The following PCDH11X variants were observed in gnomAD, a reference collection of about 807,000 sequenced individuals.
PCDH11X encodes protocadherin-11 X-linked.
In PCDH11X, 18 loss-of-function variants were observed where a neutral mutation model predicts 53.3. The ratio of observed to expected loss-of-function variants is 0.34; its 90% CI spans 0.23 to 0.50. The LOEUF (loss-of-function observed/expected upper bound fraction) is 0.50, where lower values mean the gene tolerates loss of function less well. Among genes scored for constraint, PCDH11X ranks in the 20% least tolerant of loss-of-function variants. The pLI is 0.98. For missense variants in PCDH11X, 570 were observed against 1,032.4 expected, an observed-to-expected ratio of 0.55 and a Z score of 6.14; for synonymous variants, 279 against 393.3, an observed-to-expected ratio of 0.71 and a Z score of 3.44.
intron 10 of PCDH11X, among the ~76,000 whole-genome samples, chrX:92,585,149 T>G (rs1358883995): frequency 9.2e-6 from 1 of 109,038 alleles, no homozygotes; most frequent in East Asian, 2.9e-4. Flanking sequence ...CTACACACTT[T>G]TAAACAAGCA....
At chrX:91,886,137 C>T (rs1379111203) in intron 6 of PCDH11X, among the ~76,000 whole-genome samples, 1 of 111,783 alleles carries the variant, frequency 8.9e-6, no homozygotes, top group South Asian at 3.7e-4. Context: ...TTGACCTGGT[C>T]GCATCTTTAA....
intron 10 of PCDH11X, among the ~76,000 whole-genome samples, chrX:92,508,434 G>T (rs2074105805): frequency 9.2e-6 from 1 of 108,756 alleles, no homozygotes; most frequent in Admixed American, 9.9e-5. Flanking sequence ...TGTTGGCCAG[G>T]ATGGTCTCGA....
Position 92,300,984 on chromosome X carries a change from T to C in PCDH11X, c.3144+37841T>C, listed in dbSNP as rs569442619. On this transcript the variant is annotated intron_variant, in intron 8 of 10. Coordinates refer to ENST00000682573, the MANE Select transcript of PCDH11X (RefSeq NM_032968.5). ...GGCACAGTAGGGTGTATGTGCACCC[T>C]TGTGCCAGCAAGTGAAGGAAAGGCA... Among the ~76,000 whole-genome samples, 5 of 111,449 alleles carry C rather than the reference T, an allele frequency of 4.5e-5. No individual in the cohort carries two copies. The South Asian group carries it at 1.5e-3, about 34-fold the overall frequency.
chrX:92,132,476 T>A (rs2064997688), intron 6 of PCDH11X, among the ~76,000 whole-genome samples: 1 of 101,575 alleles, frequency 9.8e-6, no homozygotes, highest in Non-Finnish European at 2.0e-5. Context: ...GGCGTGGTAG[T>A]GTGTGCCCGT....
At chrX:92,352,811 T>A (rs147487331) in intron 8 of PCDH11X, among the ~76,000 whole-genome samples, 1,130 of 111,579 alleles carry the variant, frequency 0.01, 20 homozygotes, top group African/African-American at 0.036. Flanking sequence ...AGTCCTGTGA[T>A]GTGTACCATC....
intron 9 of PCDH11X, among the ~76,000 whole-genome samples, chrX:92,430,033 T>C (rs2072215942): frequency 1.8e-5 from 2 of 108,458 alleles, no homozygotes; most frequent in Admixed American, 2.0e-4. Context: ...AGGGTTAAAA[T>C]TAATAAACTT....
chrX:92,478,560 A>G (rs1244304656), intron 10 of PCDH11X, among the ~76,000 whole-genome samples: 1 of 111,118 alleles, frequency 9.0e-6, no homozygotes, highest in East Asian at 2.8e-4. Flanking sequence ...AGATTCTGCT[A>G]TATTGTATCT....
intron 9 of PCDH11X, among the ~76,000 whole-genome samples, chrX:92,418,966 T>C (rs2071882408): frequency 9.2e-6 from 1 of 109,056 alleles, no homozygotes; most frequent in Non-Finnish European, 1.9e-5. Flanking sequence ...CAACTGTGAT[T>C]TCCTTTTGGC....
Position 92,126,600 on chromosome X carries a change from ACT to A in PCDH11X, c.3034-74772_3034-74771del, listed in dbSNP as rs2064866683. Reference sequence around the variant, plus strand: ...CTCCAGTCTGGGCAACAAGAGCAAAACTCTGTCTCAAAAAATAAAAAATAAAA... The same window carrying A: ...CTCCAGTCTGGGCAACAAGAGCAAAACTGTCTCAAAAAATAAAAAATAAAA... On this transcript the variant is annotated intron_variant, in intron 6 of 10. Transcript: ENST00000682573. Among the ~76,000 whole-genome samples, 6 of 109,350 alleles carry A rather than the reference ACT, an allele frequency of 5.5e-5. No homozygotes were observed. The Admixed American group carries it at 5.9e-4, about 11-fold the overall frequency. The allele number at this position is 109,350 out of a possible 115,157, so 95.0% of individuals were successfully genotyped here. A position where few individuals can be genotyped will look rare whatever the true frequency, so the allele number is the denominator to read the frequency against.
At chrX:92,080,375 G>A (rs755988939) in intron 6 of PCDH11X, among the ~76,000 whole-genome samples, 4 of 111,089 alleles carry the variant, frequency 3.6e-5, no homozygotes, top group African/African-American at 1.3e-4. Flanking sequence ...ATCATAAGTT[G>A]ATAATTGTTG....
At chrX:92,545,090 T>C (rs1179581106) in intron 10 of PCDH11X, among the ~76,000 whole-genome samples, 1 of 111,331 alleles carries the variant, frequency 9.0e-6, no homozygotes, top group Non-Finnish European at 1.9e-5. Flanking sequence ...TGCTTCCATG[T>C]GGAGGCCTGG....
chrX:91,811,169 C>T (rs1156853121), intron 3 of PCDH11X, 68 bp from the exon 4 acceptor site: 1 of 1,015,135 alleles, frequency 9.9e-7, no homozygotes, highest in Non-Finnish European at 1.3e-6. Context: ...TAAGTTTAAA[C>T]TGATTACAAT....
intron 6 of PCDH11X, among the ~76,000 whole-genome samples, chrX:92,042,104 A>G (rs1374089869): frequency 8.9e-6 from 1 of 111,959 alleles, no homozygotes; most frequent in African/African-American, 3.2e-5. Flanking sequence ...ACTTTTAATT[A>G]CAGTATTATG....
chrX:91,990,697 C>A (rs1450386548), intron 6 of PCDH11X, among the ~76,000 whole-genome samples: 1 of 106,329 alleles, frequency 9.4e-6, no homozygotes, highest in Non-Finnish European at 1.9e-5. Flanking sequence ...TCTGTTAACA[C>A]ACAGGAGGTG....
chrX:92,247,101 C>T (rs766049749), intron 7 of PCDH11X, among the ~76,000 whole-genome samples: 17 of 111,716 alleles, frequency 1.5e-4, no homozygotes, highest in Non-Finnish European at 3.0e-4. Context: ...AACTATGAGT[C>T]GATTAAACTC....
chrX:92,513,802 A>G (rs182995616), intron 10 of PCDH11X, among the ~76,000 whole-genome samples: 1 of 111,721 alleles, frequency 9.0e-6, no homozygotes, highest in Admixed American at 9.5e-5. Flanking sequence ...TAAATGTACA[A>G]TTCAATGATT....
chrX:92,139,250 TTTTCTTTCTTTC>T (rs1308353324), intron 6 of PCDH11X, among the ~76,000 whole-genome samples: 1 of 105,242 alleles, frequency 9.5e-6, no homozygotes, highest in Non-Finnish European at 1.9e-5. Context: ...GTCTTTTTCT[TTTTCTTTCTTTC>T]TTTCTTTCTT....
At chrX:91,880,631 A>G (rs1244028612) in intron 6 of PCDH11X, among the ~76,000 whole-genome samples, 1 of 110,790 alleles carries the variant, frequency 9.0e-6, no homozygotes, top group Non-Finnish European at 1.9e-5. Context: ...TAGGTACACA[A>G]TTAAATGCTG....
intron 9 of PCDH11X, among the ~76,000 whole-genome samples, chrX:92,432,783 C>T (rs1304407360): frequency 1.9e-5 from 2 of 106,638 alleles, no homozygotes; most frequent in Admixed American, 2.0e-4. Flanking sequence ...TTACTACTGG[C>T]TATGAAGTTT....
Sources: gnomAD v4.1 joint callset for allele counts (sites outside exome capture counted in the v4.1 genomes callset) on GRCh38, gnomAD v4.1.1 for gene constraint, MANE v1.5 for transcripts, NCBI Gene and HGNC (gene_info 2026-07-23, HGNC 2026-07-21) for gene names.